The following SNTG2 variants were observed in gnomAD, a reference collection of about 807,000 sequenced individuals.
The protein encoded by SNTG2 is gamma-2-syntrophin.
Under a neutral mutation model 70.9 loss-of-function variants are expected in SNTG2, and 74 were observed. The ratio of observed to expected loss-of-function variants is 1.04; its 90% CI spans 0.86 to 1.27. The LOEUF (loss-of-function observed/expected upper bound fraction) is 1.27. SNTG2 is among the 50% of genes most tolerant of loss of function. SNTG2 has a pLI of 0.00. For synonymous variants in SNTG2, 278 were observed against 273.8 expected, an observed-to-expected ratio of 1.02 and a Z score of -0.15; for missense variants, 717 against 690.7, an observed-to-expected ratio of 1.04 and a Z score of -0.43.
intron 8 of SNTG2, among the ~76,000 whole-genome samples, chr2:1,196,118 C>T (rs1022734294): frequency 2.0e-5 from 3 of 152,072 alleles, no homozygotes; most frequent in Non-Finnish European, 4.4e-5. Flanking sequence ...GGTCAGAATA[C>T]TCAATATCAA....
intron 1 of SNTG2, among the ~76,000 whole-genome samples, chr2:1,069,939 G>C (rs531361530): frequency 6.6e-6 from 1 of 152,026 alleles, no homozygotes; most frequent in Non-Finnish European, 1.5e-5. Flanking sequence ...ACTCCTCACC[G>C]CCTAGGTTCC....
At chr2:1,117,081 G>A (rs1319471116) in intron 4 of SNTG2, among the ~76,000 whole-genome samples, 1 of 151,152 alleles carries the variant, frequency 6.6e-6, no homozygotes, top group Non-Finnish European at 1.5e-5. Flanking sequence ...CAATATGTGG[G>A]TGCCCCGGTG....
chr2:1,352,702 C>T (rs763302643), intron 16 of SNTG2, among the ~76,000 whole-genome samples: 2 of 152,198 alleles, frequency 1.3e-5, no homozygotes, highest in African/African-American at 2.4e-5. Flanking sequence ...TCCCACTGGG[C>T]TAAGGATCAG....
At chr2:1,200,916 G>A (rs1387301781) in intron 8 of SNTG2, among the ~76,000 whole-genome samples, 1 of 151,940 alleles carries the variant, frequency 6.6e-6, no homozygotes, top group East Asian at 1.9e-4. Context: ...GGAAGGATGA[G>A]GAGAAAATAG....
intron 1 of SNTG2, among the ~76,000 whole-genome samples, chr2:995,971 CAT>C (rs1352609865): frequency 1.3e-5 from 2 of 152,130 alleles, no homozygotes; most frequent in African/African-American, 4.8e-5. Context: ...AAAATTTTAA[CAT>C]ATGACCTGAG....
At chr2:1,088,765 T>G (rs1472504973) in intron 2 of SNTG2, among the ~76,000 whole-genome samples, 1 of 152,222 alleles carries the variant, frequency 6.6e-6, no homozygotes, top group East Asian at 1.9e-4. Flanking sequence ...TGGCTGGCTT[T>G]AAGTGGGAGG....
At chr2:1,038,008 A>G (rs1195198887) in intron 1 of SNTG2, among the ~76,000 whole-genome samples, 2 of 152,210 alleles carry the variant, frequency 1.3e-5, no homozygotes, top group Non-Finnish European at 2.9e-5. Flanking sequence ...TCTGTGGAAG[A>G]GTTTTCAGAC....
chr2:1,185,127 A>C (rs1672167235), intron 8 of SNTG2, among the ~76,000 whole-genome samples: 1 of 152,210 alleles, frequency 6.6e-6, no homozygotes, highest in South Asian at 2.1e-4. Flanking sequence ...GCAGTCAGTA[A>C]ATCTTAAAGC....
intron 1 of SNTG2, among the ~76,000 whole-genome samples, chr2:1,042,493 T>C (rs1661495584): frequency 6.6e-6 from 1 of 152,162 alleles, no homozygotes; most frequent in Non-Finnish European, 1.5e-5. Context: ...TAGTACTCAA[T>C]AGGTAGTTTT....
intron 1 of SNTG2, among the ~76,000 whole-genome samples, chr2:1,038,946 C>A (rs1217450611): frequency 6.6e-6 from 1 of 152,116 alleles, no homozygotes; most frequent in Admixed American, 6.5e-5. Flanking sequence ...ATGCTTCTAC[C>A]TTTTTTATAA....
intron 1 of SNTG2, among the ~76,000 whole-genome samples, chr2:1,009,293 A>T (rs371750337): frequency 6.5e-5 from 8 of 122,994 alleles, no homozygotes; most frequent in East Asian, 4.5e-4. Flanking sequence ...GTCCCCAGGA[A>T]GACTGCTGGT....
chr2:1,128,007 G>A (rs190584185), intron 4 of SNTG2, among the ~76,000 whole-genome samples: 1 of 152,296 alleles, frequency 6.6e-6, no homozygotes, highest in East Asian at 1.9e-4. Context: ...TAAGAGTGGT[G>A]AGAGTGGGCA....
intron 9 of SNTG2, among the ~76,000 whole-genome samples, chr2:1,218,306 C>G (rs888198867): frequency 2.6e-5 from 4 of 152,190 alleles, no homozygotes; most frequent in Non-Finnish European, 4.4e-5. Flanking sequence ...AATCCCTTCA[C>G]AGAAACACCT....
chr2:1,126,058 A>G (rs1446573160), intron 4 of SNTG2, among the ~76,000 whole-genome samples: 1 of 152,172 alleles, frequency 6.6e-6, no homozygotes, highest in Non-Finnish European at 1.5e-5. Context: ...GCTAACTATC[A>G]TTATTCTACA....
In SNTG2 at chr2:1,239,765, C is replaced by T. The variant is rs1248389475; in HGVS notation, c.877C>T (p.Pro293Ser). ...GAAGATGGCGAACAAATGCTGCTCT[C>T]CTTCCGACCAGGTAGGGTTTGTATT... ...NMKMANKCCS[P>S]SDQVVHMGWV... Residue 293 changes from proline to serine, a missense_variant, in exon 11 of 17, where the codon CCT becomes TCT. By Grantham distance (74) the Pro-to-Ser change is moderately conservative. Coordinates refer to ENST00000308624, the MANE Select transcript of SNTG2 (RefSeq NM_018968.4). 8.7e-6 allele frequency: 14 copies of T among 1,613,390 alleles called. No homozygotes were observed. The highest frequency in any genetic ancestry group is 1.2e-5 in the Non-Finnish European group (14 of 1,179,806).
intron 16 of SNTG2, among the ~76,000 whole-genome samples, chr2:1,321,795 C>T (rs35439665): frequency 1.1e-4 from 17 of 151,824 alleles, no homozygotes; most frequent in African/African-American, 3.6e-4. Context: ...GCCCCCTTCC[C>T]TAATACAGAT....
At chr2:1,256,455 C>T (rs968273006) in intron 12 of SNTG2, 4 of 152,168 alleles carry the variant, frequency 2.6e-5, no homozygotes, top group Admixed American at 6.5e-5. Flanking sequence ...AACCAACACA[C>T]GAGATGCTCT....
chr2:1,237,104 G>A (rs141521820), intron 9 of SNTG2, among the ~76,000 whole-genome samples: 1,939 of 151,758 alleles, frequency 0.013, 47 homozygotes, highest in African/African-American at 0.044. Flanking sequence ...CACCATGCCC[G>A]GCTAATTTTT....
At chr2:1,306,685 A>AGAGTGTGTGTGTGT (rs1553276236) in intron 14 of SNTG2, among the ~76,000 whole-genome samples, 3 of 149,006 alleles carry the variant, frequency 2.0e-5, no homozygotes, top group African/African-American at 4.9e-5. Flanking sequence ...CCAGGGTGTG[A>AGAGTGTGTGTGTGT]GTGTGTGTGT....
Sources: allele counts gnomAD v4.1 joint callset (sites outside exome capture counted in the v4.1 genomes callset), GRCh38; gene constraint gnomAD v4.1.1; transcripts MANE v1.5; gene names NCBI Gene and HGNC (gene_info 2026-07-23, HGNC 2026-07-21).